Variants in PTPRN2 observed in about 807,000 individuals in gnomAD.
The protein encoded by PTPRN2 is receptor-type tyrosine-protein phosphatase N2.
PTPRN2 carries 74 observed loss-of-function variants against 118.8 expected under a neutral mutation model. That is an observed-to-expected ratio of 0.62 (90% CI 0.52 to 0.76). The LOEUF is 0.76. Among genes scored for constraint, PTPRN2 ranks in the 30% least tolerant of loss-of-function variants. The pLI, the probability that PTPRN2 is intolerant of heterozygous loss-of-function variation, is 0.00. For missense variants in PTPRN2, 1,481 were observed against 1,394.4 expected, an observed-to-expected ratio of 1.06 and a Z score of -0.99; for synonymous variants, 641 against 608.0, an observed-to-expected ratio of 1.05 and a Z score of -0.80.
chr7:158,113,034 GC>G (rs1447695241), intron 9 of PTPRN2, among the ~76,000 whole-genome samples: 7 of 151,216 alleles, frequency 4.6e-5, no homozygotes, highest in Non-Finnish European at 1.0e-4. Context: ...GGCATTTAGG[GC>G]CCCCCAGCAT....
chr7:158,263,368 ATG>A (rs1444173089), intron 3 of PTPRN2, among the ~76,000 whole-genome samples: 1 of 146,382 alleles, frequency 6.8e-6, no homozygotes, highest in African/African-American at 2.8e-5. Context: ...GAGCACACAC[ATG>A]CACACTGTAC....
chr7:157,667,395 G>A lies in PTPRN2; in HGVS notation c.2002-10844C>T, dbSNP rs534672149. The stretch of plus-strand genomic sequence containing the variant: ...AGTACACAGCCTGACTTGCACACTC[G>A]GCCCGTGGGACACTGATCTTACACG... On this transcript the variant is annotated intron_variant, in intron 13 of 22. Coordinates refer to ENST00000389418, the MANE Select transcript of PTPRN2 (RefSeq NM_002847.5). Among the ~76,000 whole-genome samples, 7 of 150,882 alleles carry A rather than the reference G, an allele frequency of 4.6e-5. No individual in the cohort carries two copies. The South Asian group carries it at 6.3e-4, about 14-fold the overall frequency.
In PTPRN2 at chr7:157,784,792, A is replaced by C. The variant is rs1339200955; in HGVS notation, c.1789-101855T>G. ...CTGACCCCACACCCGGCCTCTCTGC[A>C]GCTAATGGAAGGAAATGAACCCATC... is the stretch of plus-strand genomic sequence containing the variant. On this transcript the variant is annotated intron_variant, in intron 12 of 22. Transcript: ENST00000389418. The surrounding 1 kb of genome is among the most constrained non-coding windows in gnomAD (Gnocchi z 4.6). Among the ~76,000 whole-genome samples, 1 of 152,172 alleles carries C rather than the reference A, an allele frequency of 6.6e-6. No homozygotes were observed. Among genetic ancestry groups the C allele is most frequent in the African/African-American group, 2.4e-5 (1 of 41,452 alleles).
At chr7:158,247,545 C>T (rs1796339279) in intron 3 of PTPRN2, among the ~76,000 whole-genome samples, 1 of 152,214 alleles carries the variant, frequency 6.6e-6, no homozygotes, top group African/African-American at 2.4e-5. Flanking sequence ...CTAAACACTC[C>T]ACACAGGTAA....
intron 12 of PTPRN2, among the ~76,000 whole-genome samples, chr7:157,684,867 G>C (rs918411879): frequency 6.6e-6 from 1 of 152,000 alleles, no homozygotes; most frequent in Non-Finnish European, 1.5e-5. Flanking sequence ...GGGCCGGCGC[G>C]AGGGACCCTA....
intron 6 of PTPRN2, among the ~76,000 whole-genome samples, chr7:158,149,462 A>G (rs747810931): frequency 6.6e-6 from 1 of 151,282 alleles, no homozygotes; most frequent in African/African-American, 2.4e-5. Context: ...AAAAATCCTT[A>G]TTTTTAATCT....
chr7:157,570,900 T>C (rs1799722226), intron 20 of PTPRN2, among the ~76,000 whole-genome samples: 2 of 152,190 alleles, frequency 1.3e-5, no homozygotes, highest in Admixed American at 6.5e-5. Flanking sequence ...TGGCAGGACA[T>C]GCTCACGGGT....
chr7:157,743,766 C>T (rs902212302), intron 12 of PTPRN2, among the ~76,000 whole-genome samples: 17 of 149,976 alleles, frequency 1.1e-4, no homozygotes, highest in East Asian at 5.9e-4. Flanking sequence ...GTTGGGCTCT[C>T]GGCAAGGCTG....
At chr7:158,492,316 A>T (rs1821519927) in intron 1 of PTPRN2, among the ~76,000 whole-genome samples, 1 of 152,228 alleles carries the variant, frequency 6.6e-6, no homozygotes, top group African/African-American at 2.4e-5. Flanking sequence ...AGATGCAGGG[A>T]TGCTGCAGAC....
rs1485723324 is a variant in PTPRN2, at chr7:158,509,152, G to A, written c.113-19367C>T. 6.6e-6 allele frequency among the ~76,000 whole-genome samples: 1 copy of A among 152,084 alleles called. No homozygotes were observed. The highest frequency in any genetic ancestry group is 2.4e-5 in the African/African-American group (1 of 41,384). ...GGATGAGCTTCTGTTGAAGAGAGAG[G>A]CGCCACACACAGCCTCCACGCAGCC... On this transcript the variant is annotated intron_variant, in intron 1 of 22. Transcript: ENST00000389418. This position sits in a 1 kb window ranked among gnomAD's most constrained non-coding sequence, Gnocchi z 4.4.
intron 9 of PTPRN2, among the ~76,000 whole-genome samples, chr7:158,129,624 C>G (rs954760771): frequency 3.9e-5 from 6 of 152,130 alleles, no homozygotes; most frequent in Admixed American, 3.9e-4. Flanking sequence ...AACACCCACA[C>G]CACACACAAA....
intron 2 of PTPRN2, among the ~76,000 whole-genome samples, chr7:158,365,663 A>T (rs909819244): frequency 6.9e-6 from 1 of 144,192 alleles, no homozygotes; most frequent in African/African-American, 2.9e-5. Flanking sequence ...ACACGCACAC[A>T]CACAGCATCC....
chr7:158,512,862 G>A (rs954763786), intron 1 of PTPRN2, among the ~76,000 whole-genome samples: 8 of 152,206 alleles, frequency 5.3e-5, no homozygotes, highest in African/African-American at 1.4e-4. Context: ...GCCGGCAGCC[G>A]AAGCTGGAAC....
At chr7:157,798,905 C>T (rs1160806129) in intron 12 of PTPRN2, among the ~76,000 whole-genome samples, 1 of 152,208 alleles carries the variant, frequency 6.6e-6, no homozygotes, top group Non-Finnish European at 1.5e-5. Flanking sequence ...AGGGACTCCA[C>T]TTCTTCTCAG....
At chr7:158,089,613 G>A (rs1204456926) in intron 10 of PTPRN2, among the ~76,000 whole-genome samples, 105 of 120,604 alleles carry the variant, frequency 8.7e-4, no homozygotes, top group South Asian at 1.6e-3. Context: ...TTCCCCTGAT[G>A]AAAGAGGGAG....
At chr7:157,691,603 C>T (rs1383595941) in intron 12 of PTPRN2, among the ~76,000 whole-genome samples, 1 of 152,204 alleles carries the variant, frequency 6.6e-6, no homozygotes, top group East Asian at 1.9e-4. Context: ...AGGCCAATGT[C>T]GGCCGCCAGC....
At chr7:158,359,139 C>T (rs546733850) in intron 2 of PTPRN2, among the ~76,000 whole-genome samples, 4 of 152,066 alleles carry the variant, frequency 2.6e-5, no homozygotes, top group African/African-American at 4.8e-5. Flanking sequence ...AGGCCATGGC[C>T]GGCGAGTCCC....
In PTPRN2 at chr7:158,475,597, G is replaced by A. The variant is rs148321001; in HGVS notation, c.163+14138C>T. On this transcript the variant is annotated intron_variant, in intron 2 of 22. Transcript: ENST00000389418. ...CCAGCTGACACCCACACCCCAGCCG[G>A]GCACTCCAATACCTTCTCGGGGTTT... is the stretch of plus-strand genomic sequence containing the variant. Among the ~76,000 whole-genome samples, 136 of 152,166 alleles carry A rather than the reference G, an allele frequency of 8.9e-4. 1 individual carries two copies. The highest frequency in any genetic ancestry group is 3.4e-3 in the Middle Eastern group (1 of 294).
At chr7:158,145,710 T>C (rs985117922) in intron 6 of PTPRN2, among the ~76,000 whole-genome samples, 6 of 152,216 alleles carry the variant, frequency 3.9e-5, no homozygotes, top group Admixed American at 3.9e-4. Context: ...CTGATTATTC[T>C]AGAATCTGTA....
Sources: allele counts gnomAD v4.1 joint callset (sites outside exome capture counted in the v4.1 genomes callset), GRCh38; gene constraint gnomAD v4.1.1; non-coding constraint Gnocchi (gnomAD v3.1); transcripts MANE v1.5; gene names NCBI Gene and HGNC (gene_info 2026-07-23, HGNC 2026-07-21).